The following MARCHF1 variants were observed in gnomAD, a reference collection of about 807,000 sequenced individuals.
MARCHF1 encodes the protein E3 ubiquitin-protein ligase MARCHF1.
MARCHF1 carries 40 observed loss-of-function variants against 54.2 expected under a neutral mutation model. The observed-to-expected ratio is 0.74, with a 90% CI of 0.57 to 0.96. MARCHF1 has a LOEUF of 0.96. Ranked by LOEUF, MARCHF1 falls within the 40% of genes least tolerant of loss-of-function variation. The probability of loss-of-function intolerance (pLI) is 0.00; values close to 1 mark genes in which losing one functional copy is unlikely to be tolerated. For synonymous variants in MARCHF1, 236 were observed against 236.3 expected (o/e 1.00, Z 0.01); for missense variants, 586 against 656.5 (o/e 0.89, Z 1.17).
At chr4:164,356,561 A>G (rs1471573163) in intron 1 of MARCHF1, among the ~76,000 whole-genome samples, 1 of 137,318 alleles carries the variant, frequency 7.3e-6, no homozygotes, top group Non-Finnish European at 1.6e-5. Flanking sequence ...GTGGGAATTG[A>G]ACAATGAGAT....
intron 1 of MARCHF1, among the ~76,000 whole-genome samples, chr4:164,317,998 A>G (rs551463798): frequency 6.6e-6 from 1 of 152,284 alleles, no homozygotes; most frequent in South Asian, 2.1e-4. Context: ...TGCAGACTTG[A>G]GATCCTGATT....
At chr4:164,209,460 C>A (rs1189761312) in intron 1 of MARCHF1, among the ~76,000 whole-genome samples, 1 of 152,086 alleles carries the variant, frequency 6.6e-6, no homozygotes, top group East Asian at 1.9e-4. Flanking sequence ...CAATCTGGAG[C>A]ACCCAACAAG....
intron 2 of MARCHF1, among the ~76,000 whole-genome samples, chr4:163,989,875 T>C (rs543811560): frequency 6.6e-6 from 1 of 152,304 alleles, no homozygotes; most frequent in South Asian, 2.1e-4. Context: ...AAATGAAGCA[T>C]AATTCAGAAA....
intron 4 of MARCHF1, among the ~76,000 whole-genome samples, chr4:163,821,249 C>T (rs925036627): frequency 2.6e-5 from 4 of 152,062 alleles, no homozygotes; most frequent in African/African-American, 9.6e-5. Context: ...TTCAAGACGG[C>T]CTTATTTTCT....
chr4:163,608,324 G>T (rs1741210952), intron 7 of MARCHF1, among the ~76,000 whole-genome samples: 1 of 152,026 alleles, frequency 6.6e-6, no homozygotes, highest in Non-Finnish European at 1.5e-5. Context: ...GCCATTCTAG[G>T]TCTTGAAAGG....
chr4:163,809,604 T>C (rs556152164), intron 4 of MARCHF1, among the ~76,000 whole-genome samples: 3 of 152,162 alleles, frequency 2.0e-5, no homozygotes, highest in Non-Finnish European at 4.4e-5. Flanking sequence ...CAGAACTGCA[T>C]GAGGCAAATA....
intron 8 of MARCHF1, among the ~76,000 whole-genome samples, chr4:163,547,393 T>C (rs565634687): frequency 6.6e-6 from 1 of 152,226 alleles, no homozygotes; most frequent in African/African-American, 2.4e-5. Flanking sequence ...TTTCCAGCAA[T>C]GAGATGTGAG....
intron 3 of MARCHF1, among the ~76,000 whole-genome samples, chr4:163,906,332 A>G (rs116020799): frequency 6.0e-4 from 92 of 152,180 alleles, no homozygotes; most frequent in African/African-American, 2.1e-3. Flanking sequence ...GGAAATGTCC[A>G]GGCTCATTGG....
At chr4:163,850,242 T>TCCTA (rs1000400418) in intron 4 of MARCHF1, among the ~76,000 whole-genome samples, 1 of 152,148 alleles carries the variant, frequency 6.6e-6, no homozygotes, top group Non-Finnish European at 1.5e-5. Flanking sequence ...GGGGTCTGGG[T>TCCTA]CCTAGATCCA....
intron 5 of MARCHF1, among the ~76,000 whole-genome samples, chr4:163,697,645 G>T (rs1336074620): frequency 1.3e-5 from 2 of 152,170 alleles, no homozygotes; most frequent in African/African-American, 4.8e-5. Flanking sequence ...TTCCATTCTA[G>T]ATGGAGTCCT....
chr4:163,865,016 C>T (rs1750018896), intron 3 of MARCHF1, among the ~76,000 whole-genome samples: 1 of 151,836 alleles, frequency 6.6e-6, no homozygotes, highest in Admixed American at 6.6e-5. Context: ...AAGTACTCAC[C>T]TCTGGACTTA....
At chr4:163,618,704 AT>A (rs953218156) in intron 5 of MARCHF1, among the ~76,000 whole-genome samples, 1 of 152,154 alleles carries the variant, frequency 6.6e-6, no homozygotes, top group African/African-American at 2.4e-5. Flanking sequence ...CTGTCGATTC[AT>A]TTGCTCAGCA....
At chr4:163,869,015 C>CT (rs72519198) in intron 3 of MARCHF1, among the ~76,000 whole-genome samples, 42,839 of 150,352 alleles carry the variant, frequency 0.28, 6,398 homozygotes, top group South Asian at 0.42. Context: ...GTCTAACAGT[C>CT]TCTTTAAATT....
rs79308081 is a variant in MARCHF1, at chr4:163,652,671, G to A, written c.163-39278C>T. ...GTACATGAGGTCAGGAACCTTGACC[G>A]TATCTTTCAATATACCTTTTATTTC... is the stretch of plus-strand genomic sequence containing the variant. On this transcript the variant is annotated intron_variant, in intron 5 of 9. Transcript: ENST00000514618. 3.3e-5 allele frequency among the ~76,000 whole-genome samples: 5 copies of A among 151,856 alleles called. No individual in the cohort carries two copies. The South Asian group carries it at 6.2e-4, about 19-fold the overall frequency.
chr4:163,781,750 A>T (rs954911198), intron 4 of MARCHF1, among the ~76,000 whole-genome samples: 2 of 152,218 alleles, frequency 1.3e-5, no homozygotes, highest in Non-Finnish European at 2.9e-5. Context: ...AAACACGGAA[A>T]AGAGAAGGAA....
chr4:163,683,280 CAA>C (rs1744165448), intron 5 of MARCHF1, among the ~76,000 whole-genome samples: 1 of 152,154 alleles, frequency 6.6e-6, no homozygotes, highest in Admixed American at 6.5e-5. Flanking sequence ...TGGTGGTCGA[CAA>C]GAGAAGAGAG....
intron 1 of MARCHF1, among the ~76,000 whole-genome samples, chr4:164,152,198 G>C (rs1375039888): frequency 2.0e-5 from 3 of 152,142 alleles, no homozygotes; most frequent in Non-Finnish European, 2.9e-5. Context: ...GGTGATACTT[G>C]GTGTAAGTGA....
intron 2 of MARCHF1, among the ~76,000 whole-genome samples, chr4:164,091,625 G>T (rs1447978278): frequency 6.6e-6 from 1 of 151,636 alleles, no homozygotes; most frequent in Non-Finnish European, 1.5e-5. Context: ...CTACAAACTG[G>T]AGATTCAAAA....
At chr4:163,603,611 G>T (rs909009388) in intron 7 of MARCHF1, among the ~76,000 whole-genome samples, 2 of 152,008 alleles carry the variant, frequency 1.3e-5, no homozygotes, top group Non-Finnish European at 2.9e-5. Context: ...AAAATTCTTT[G>T]TTGTTTATTT....
Sources: gnomAD v4.1 joint callset for allele counts (sites outside exome capture counted in the v4.1 genomes callset) on GRCh38, gnomAD v4.1.1 for gene constraint, MANE v1.5 for transcripts, NCBI Gene and HGNC (gene_info 2026-07-23, HGNC 2026-07-21) for gene names.